Variants in CBX5 observed in about 807,000 individuals in gnomAD.
The protein encoded by CBX5 is chromobox protein homolog 5.
A neutral mutation model predicts 20.7 loss-of-function variants in CBX5; 7 were observed. The observed-to-expected ratio is 0.34, with a 90% CI of 0.19 to 0.63. CBX5 has a LOEUF of 0.63. Ranked by LOEUF, CBX5 falls within the 30% of genes least tolerant of loss-of-function variation. The pLI, the probability that CBX5 is intolerant of heterozygous loss-of-function variation, is 0.75. For missense variants in CBX5, 110 were observed against 224.1 expected (o/e 0.49, Z 3.25); for synonymous variants, 78 against 77.0 (o/e 1.01, Z -0.07).
At chr12:54,262,610 T>C (rs1943922835) in intron 1 of CBX5, 1 of 152,720 alleles carries the variant, frequency 6.5e-6, no homozygotes, top group Non-Finnish European at 1.5e-5. Context: ...GTTACAGATC[T>C]GCTCAGGAGC....
rs752802863 is a variant in CBX5 at position 54,235,378 on chromosome 12, G to A, written c.*6377C>T. 5 of 152,262 alleles carry A rather than the reference G, an allele frequency of 3.3e-5. No individual in the cohort carries two copies. The highest frequency in any genetic ancestry group is 4.8e-5 in the African/African-American group (2 of 41,464). The allele number at this position is 152,262 out of a possible 1,614,324, so 9.4% of individuals were successfully genotyped here. ...GCCTGTAATCCCAGCACTCTGGGAG[G>A]CCGAGGTGGGTGGATCATGAGGTCA... is the stretch of plus-strand genomic sequence containing the variant. On this transcript the variant is annotated 3_prime_UTR_variant, in exon 5 of 5. Coordinates refer to ENST00000209875, the MANE Select transcript of CBX5 (RefSeq NM_012117.3).
At chr12:54,256,976 A>T (rs1346819241) in intron 2 of CBX5, among the ~76,000 whole-genome samples, 6 of 151,912 alleles carry the variant, frequency 3.9e-5, no homozygotes, top group African/African-American at 1.5e-4. Context: ...TGATTCTCCT[A>T]CCTCAGCCTC....
chr12:54,257,673 A>C lies in CBX5; in HGVS notation c.-23T>G. 6.2e-7 allele frequency: 1 copy of C among 1,614,026 alleles called. No homozygotes were observed. The highest frequency in any genetic ancestry group is 8.5e-7 in the Non-Finnish European group (1 of 1,179,950). On this transcript the variant is annotated 5_prime_UTR_variant, in exon 2 of 5. Transcript: ENST00000209875. ...CATGTCGCACACCGTTCCACCTGAAAGACTAAGGCCACCAGGTCCCTGCAA... is the reference window on the plus strand; with the variant it reads ...CATGTCGCACACCGTTCCACCTGAACGACTAAGGCCACCAGGTCCCTGCAA...
At chr12:54,262,821 A>T (rs1943924398) in intron 1 of CBX5, 1 of 152,370 alleles carries the variant, frequency 6.6e-6, no homozygotes, top group Non-Finnish European at 1.5e-5. Flanking sequence ...ATGAGAAATG[A>T]GACATGGCTG....
chr12:54,267,198 T>G (rs1943965206), intron 1 of CBX5, among the ~76,000 whole-genome samples: 1 of 152,188 alleles, frequency 6.6e-6, no homozygotes, highest in Non-Finnish European at 1.5e-5. Context: ...AAGTAAATCT[T>G]GAGAAAAATG....
At chr12:54,268,817 A>G (rs1376404995) in intron 1 of CBX5, among the ~76,000 whole-genome samples, 1 of 152,236 alleles carries the variant, frequency 6.6e-6, no homozygotes, top group African/African-American at 2.4e-5. Flanking sequence ...ACCCAACTAG[A>G]TCATTAAAAG....
chr12:54,254,390 T>C (rs1240441134), intron 2 of CBX5, among the ~76,000 whole-genome samples: 1 of 136,504 alleles, frequency 7.3e-6, no homozygotes, highest in Non-Finnish European at 1.6e-5. Flanking sequence ...ACACATGCCA[T>C]AATAACCTGA....
intron 1 of CBX5, 47 bp from the exon 2 acceptor site, chr12:54,257,739 A>G (rs1664418462): frequency 6.8e-7 from 1 of 1,474,834 alleles, no homozygotes; most frequent in African/African-American, 1.4e-5. Context: ...TGAGGAGTTA[A>G]AAACTTTGTC....
intron 1 of CBX5, among the ~76,000 whole-genome samples, chr12:54,265,630 C>T (rs1943949356): frequency 6.6e-6 from 1 of 152,228 alleles, no homozygotes. Flanking sequence ...TGGTCGTTAA[C>T]ACCCCTATCA....
At chr12:54,242,038 C>T (rs1343559577) in intron 4 of CBX5, 133 bp from the exon 5 acceptor site, 3 of 734,432 alleles carry the variant, frequency 4.1e-6, no homozygotes, top group African/African-American at 3.6e-5. Context: ...GAAAAGGACC[C>T]TTTCAATATT....
At chr12:54,265,646 G>C (rs903775375) in intron 1 of CBX5, among the ~76,000 whole-genome samples, 2 of 152,176 alleles carry the variant, frequency 1.3e-5, no homozygotes, top group African/African-American at 4.8e-5. Context: ...TATCATTAAC[G>C]AGCCACATAT....
intron 1 of CBX5, among the ~76,000 whole-genome samples, chr12:54,275,873 C>T (rs142926239): frequency 1.3e-5 from 2 of 151,802 alleles, no homozygotes; most frequent in Admixed American, 1.3e-4. Flanking sequence ...GCCTGTAATC[C>T]CAGCTACTCA....
chr12:54,258,848 G>GA (rs1943887154), intron 1 of CBX5, among the ~76,000 whole-genome samples: 1 of 152,226 alleles, frequency 6.6e-6, no homozygotes, highest in East Asian at 1.9e-4. Context: ...ACCCTGACCA[G>GA]AAAACCACTG....
At chr12:54,252,338 C>A (rs148648620) in intron 2 of CBX5, 111 bp from the exon 3 acceptor site, 6 of 650,638 alleles carry the variant, frequency 9.2e-6, no homozygotes, top group African/African-American at 7.8e-5. Context: ...GACAGAGAAA[C>A]CCTATGCTTT....
intron 3 of CBX5, among the ~76,000 whole-genome samples, chr12:54,250,661 C>T (rs1943787254): frequency 1.4e-5 from 2 of 144,960 alleles, no homozygotes; most frequent in African/African-American, 2.5e-5. Flanking sequence ...AAAAATTAGC[C>T]GGGCGCGGTG....
chr12:54,257,191 G>A (rs1223981151), intron 2 of CBX5, among the ~76,000 whole-genome samples: 12 of 152,042 alleles, frequency 7.9e-5, no homozygotes, highest in Non-Finnish European at 4.4e-5. Context: ...ATTTCACTGA[G>A]GAGATAAAAT....
intron 1 of CBX5, among the ~76,000 whole-genome samples, chr12:54,260,554 AAG>A (rs1943906451): frequency 1.3e-5 from 2 of 152,200 alleles, no homozygotes; most frequent in South Asian, 4.1e-4. Flanking sequence ...AAAAAAAAAA[AAG>A]AGGAGAGCAG....
chr12:54,264,127 C>T (rs1943938843), intron 1 of CBX5, among the ~76,000 whole-genome samples: 1 of 152,212 alleles, frequency 6.6e-6, no homozygotes, highest in Non-Finnish European at 1.5e-5. Context: ...TATCTGTCTG[C>T]TTTGTCCAGT....
At chr12:54,248,269 G>A (rs765113750) in intron 3 of CBX5, among the ~76,000 whole-genome samples, 10 of 152,164 alleles carry the variant, frequency 6.6e-5, no homozygotes, top group Non-Finnish European at 1.3e-4. Context: ...GATTACAGGC[G>A]TGAGCCACCG....
Sources: gnomAD v4.1 joint callset for allele counts (sites outside exome capture counted in the v4.1 genomes callset) on GRCh38, gnomAD v4.1.1 for gene constraint, MANE v1.5 for transcripts, NCBI Gene and HGNC (gene_info 2026-07-23, HGNC 2026-07-21) for gene names.